UNC93B1: variants seen among roughly 807,000 people sequenced by gnomAD.
UNC93B1 encodes the protein protein unc-93 homolog B1.
In UNC93B1, 33 loss-of-function variants were observed where a neutral mutation model predicts 56.8. The ratio of observed to expected loss-of-function variants is 0.58; its 90% CI spans 0.44 to 0.78. The LOEUF is 0.78. Among genes scored for constraint, UNC93B1 ranks in the 30% least tolerant of loss-of-function variants. The pLI is 0.00. For synonymous variants in UNC93B1, 334 were observed against 358.6 expected (o/e 0.93, Z 0.77); for missense variants, 673 against 819.5 (o/e 0.82, Z 2.18).
rs1304710480 is a variant in UNC93B1 at position 67,991,569 on chromosome 11, C to T, written c.1771G>A (p.Gly591Arg). ...CCTCACTGCTCCTCCGGCCCGTCTC[C>T]CCCCTGCGCCTGTTCGTACGGGCAG... ...RPCPYEQAQG[G>R]DGPEEQ Residue 591 changes from glycine to arginine, a missense_variant, in exon 11 of 11, where the codon GGA becomes AGA. Around this residue, in one of 3 missense-constraint regions of UNC93B1, gnomAD observed 80 missense variants for 85.3 expected, o/e 0.94. Coordinates refer to ENST00000227471, the MANE Select transcript of UNC93B1 (RefSeq NM_030930.4). The T allele has an allele frequency of 2.0e-6, 3 of 1,480,730 alleles. No individual in the cohort carries two copies. The highest frequency in any genetic ancestry group is 2.7e-6 in the Non-Finnish European group (3 of 1,122,054). 91.7% of individuals were successfully genotyped at this position (1,480,730 alleles called of 1,614,324 possible).
intron 3 of UNC93B1, 79 bp downstream of exon 3, chr11:68,002,943 G>A: frequency 6.8e-7 from 1 of 1,476,496 alleles, no homozygotes; most frequent in Non-Finnish European, 9.0e-7. Flanking sequence ...CCGGCAGATG[G>A]ACACCTCCTG....
intron 9 of UNC93B1, 117 bp from the exon 10 acceptor site, chr11:67,993,911 G>C (rs376788421): frequency 2.6e-6 from 2 of 767,824 alleles, no homozygotes; most frequent in Non-Finnish European, 2.2e-6. Flanking sequence ...CCGGACCAGA[G>C]AGCGCCTAGA....
chr11:67,994,528 C>A (rs1856902808), intron 9 of UNC93B1, among the ~76,000 whole-genome samples: 1 of 152,230 alleles, frequency 6.6e-6, no homozygotes, highest in Admixed American at 6.5e-5. Flanking sequence ...GGTGACTTTA[C>A]CCCCACAGTG....
intron 7 of UNC93B1, 42 bp downstream of exon 7, chr11:67,997,633 A>G (rs1565125178): frequency 6.3e-7 from 1 of 1,596,524 alleles, no homozygotes; most frequent in South Asian, 1.1e-5. Context: ...CCAGAACCAC[A>G]CTCTGCTTCA....
At chr11:67,997,045 C>T (rs1257921319) in intron 7 of UNC93B1, among the ~76,000 whole-genome samples, 12 of 151,930 alleles carry the variant, frequency 7.9e-5, no homozygotes, top group Non-Finnish European at 2.9e-5. Context: ...GGCCCCATCC[C>T]CTCTCTCTCA....
rs777240820 is a variant in UNC93B1 at position 67,997,774 on chromosome 11, G to T, written c.807C>A (p.Ser269Arg). Residue 269 changes from serine to arginine, a missense_variant, in exon 7 of 11, where the codon AGC becomes AGA. Physicochemically the swap from Ser to Arg is moderately radical, Grantham distance 110. This residue lies in a region of UNC93B1 where 438 missense variants were observed against 465.9 expected (regional missense o/e 0.94). Coordinates refer to ENST00000227471, the MANE Select transcript of UNC93B1 (RefSeq NM_030930.4). ...SCGTNSHGIL[S>R]GFNKTVLRTL... is the part of the protein sequence containing the mutation. Reference sequence around the variant, plus strand: ...TCCGCAGAACCGTCTTGTTGAAGCCGCTGAGGATCCCGTGGCTGTTGGTGC... The same window carrying T: ...TCCGCAGAACCGTCTTGTTGAAGCCTCTGAGGATCCCGTGGCTGTTGGTGC... The T allele has an allele frequency of 1.5e-5, 24 of 1,609,328 alleles. No homozygotes were observed. Among genetic ancestry groups the T allele is most frequent in the Non-Finnish European group, 1.9e-5 (23 of 1,179,646 alleles).
chr11:67,993,837 C>T, intron 9 of UNC93B1, 43 bp from the exon 10 acceptor site: 2 of 1,134,752 alleles, frequency 1.8e-6, no homozygotes, highest in Non-Finnish European at 2.6e-6. Context: ...GAGGTGTCAC[C>T]TGGGGCCTGG....
At chr11:68,002,923 C>A in intron 3 of UNC93B1, 99 bp downstream of exon 3, 2 of 1,443,782 alleles carry the variant, frequency 1.4e-6, no homozygotes, top group Non-Finnish European at 1.8e-6. Context: ...TCCCTCGCCC[C>A]ACAAACACCC....
Position 67,991,816 on chromosome 11 carries a change from C to G in UNC93B1, c.1524G>C (p.Ala508=), listed in dbSNP as rs781399490. The G allele has an allele frequency of 2.0e-6, 3 of 1,471,972 alleles. No individual in the cohort carries two copies. Among genetic ancestry groups the G allele is most frequent in the Non-Finnish European group, 1.8e-6 (2 of 1,087,644 alleles). 91.2% of individuals were successfully genotyped at this position (1,471,972 alleles called of 1,614,324 possible). Residue 508 remains alanine (A), a synonymous_variant, in exon 11 of 11, where the codon GCG becomes GCC. Coordinates refer to ENST00000227471, the MANE Select transcript of UNC93B1 (RefSeq NM_030930.4). ...AVLLVTLVAA[A]VSYLRMEQKL... is the part of the protein sequence containing the mutation. ...TCTGCTCCATCCGCAGGTAGGAGACCGCGGCCGCCACCAGCGTCACCAGCA... is the reference window on the plus strand; with the variant it reads ...TCTGCTCCATCCGCAGGTAGGAGACGGCGGCCGCCACCAGCGTCACCAGCA...
chr11:67,995,520 C>T, intron 9 of UNC93B1, 91 bp downstream of exon 9: 1 of 1,117,228 alleles, frequency 9.0e-7, no homozygotes, highest in Non-Finnish European at 1.2e-6. Flanking sequence ...ATATCTGTCC[C>T]TGGGATGTCT....
In UNC93B1 at chr11:67,996,661, C is replaced by A. The variant is rs185043894; in HGVS notation, c.1030G>T (p.Val344Leu). Reference sequence around the variant, plus strand: ...AAGCCGCTGTAGATAAAGAAAGGCACGAGGTGGCGCAGGCGGTAGTCACGC... The same window carrying A: ...AAGCCGCTGTAGATAAAGAAAGGCAAGAGGTGGCGCAGGCGGTAGTCACGC... ...HVRDYRLRHL[V>L]PFFIYSGFEV... Residue 344 changes from valine to leucine, a missense_variant, in exon 8 of 11, where the codon GTG becomes TTG. By Grantham distance (32) the Val-to-Leu change is conservative. Around this residue, in one of 3 missense-constraint regions of UNC93B1, gnomAD observed 155 missense variants for 268.3 expected, o/e 0.58. Coordinates refer to ENST00000227471, the MANE Select transcript of UNC93B1 (RefSeq NM_030930.4). 1.8e-5 allele frequency: 28 copies of A among 1,551,562 alleles called. No individual in the cohort carries two copies. In the African/African-American group the frequency reaches 2.5e-4, roughly 14 times the overall value.
In UNC93B1 at chr11:68,003,973, C is replaced by T. The variant is rs1857093094; in HGVS notation, c.71G>A (p.Gly24Glu). Residue 24 changes from glycine to glutamate, a missense_variant, in exon 1 of 11, where the codon GGG (glycine) becomes GAG (glutamate). This residue lies in a region of UNC93B1 where 438 missense variants were observed against 465.9 expected (regional missense o/e 0.94). Coordinates refer to ENST00000227471, the MANE Select transcript of UNC93B1 (RefSeq NM_030930.4). This position sits in a 1 kb window ranked among gnomAD's most constrained non-coding sequence, Gnocchi z 4.4. ...CGGGGCCTCGGGCCCGTCCGGGACC[C>T]CGAGCAGGTCCTCGTCGCCCTGCGG... ...AGPQGDEDLL[G>E]VPDGPEAPLD... The T allele has an allele frequency of 2.1e-6, 3 of 1,398,538 alleles. No homozygotes were observed. The highest frequency in any genetic ancestry group is 2.8e-6 in the Non-Finnish European group (3 of 1,072,904). The allele number at this position is 1,398,538 out of a possible 1,614,324, so 86.6% of individuals were successfully genotyped here.
chr11:67,996,903 C>A, intron 7 of UNC93B1, 119 bp from the exon 8 acceptor site: 1 of 1,247,660 alleles, frequency 8.0e-7, no homozygotes, highest in Non-Finnish European at 1.1e-6. Context: ...CCCCGCCTCC[C>A]AAACCAGGGC....
In UNC93B1 at chr11:68,003,527, G is replaced by GAC; in HGVS notation, c.238+129_238+130insGT. On this transcript the variant is annotated intron_variant, in intron 2 of 10. Coordinates refer to ENST00000227471, the MANE Select transcript of UNC93B1 (RefSeq NM_030930.4). The surrounding 1 kb of genome is among the most constrained non-coding windows in gnomAD (Gnocchi z 4.4). The stretch of plus-strand genomic sequence containing the variant: ...CCCAACCCCACCCCCGCCGCGGGGG[G>GAC]CCGTGGCTGCAGCTGCGAGGGCAGC... The GAC allele has an allele frequency of 7.7e-7, 1 of 1,301,214 alleles. No homozygotes were observed. Among genetic ancestry groups the GAC allele is most frequent in the Non-Finnish European group, 1.0e-6 (1 of 1,000,514 alleles). The allele number at this position is 1,301,214 out of a possible 1,614,324, so 80.6% of individuals were successfully genotyped here. A position where few individuals can be genotyped will look rare whatever the true frequency, so the allele number is the denominator to read the frequency against.
chr11:67,996,799 C>A lies in UNC93B1; in HGVS notation c.907-15G>T. The A allele has an allele frequency of 6.6e-7, 1 of 1,525,394 alleles. No individual in the cohort carries two copies. The highest frequency in any genetic ancestry group is 8.9e-7 in the Non-Finnish European group (1 of 1,129,622). The allele number at this position is 1,525,394 out of a possible 1,614,324, so 94.5% of individuals were successfully genotyped here. A position where few individuals can be genotyped will look rare whatever the true frequency, so the allele number is the denominator to read the frequency against. ...AAACCCAGCACCTGCGAACCCATTA[C>A]TTGAAGGGGCGGCCAGCCAGGCCCA... On this transcript the variant is annotated splice_polypyrimidine_tract_variant and intron_variant, in intron 7 of 10. Transcript: ENST00000227471.
intron 3 of UNC93B1, among the ~76,000 whole-genome samples, chr11:68,001,393 T>C (rs1857042795): frequency 6.6e-6 from 1 of 152,064 alleles, no homozygotes; most frequent in Admixed American, 6.5e-5. Context: ...GTGCTGGATG[T>C]GGTGGCTCAC....
Position 67,995,724 on chromosome 11 carries a change from A to G in UNC93B1, c.1250T>C (p.Phe417Ser), listed in dbSNP as rs1160781200. 5.8e-6 allele frequency: 9 copies of G among 1,548,618 alleles called. No homozygotes were observed. Among genetic ancestry groups the G allele is most frequent in the Non-Finnish European group, 7.0e-6 (8 of 1,146,936 alleles). ...AGAGVHLLLT[F>S]ILFFWAPVPR... is the part of the protein sequence containing the mutation. ...CACAGGGGCCCAGAAAAAGAGGATG[A>G]AGGTGAGCAGCAGGTGCACCCCTGC... Residue 417 changes from phenylalanine to serine, a missense_variant, in exon 9 of 11, where the codon TTC (phenylalanine) becomes TCC (serine). This residue lies in a region of UNC93B1 where 155 missense variants were observed against 268.3 expected (regional missense o/e 0.58). Coordinates refer to ENST00000227471, the MANE Select transcript of UNC93B1 (RefSeq NM_030930.4).
At position 67,991,492 on chromosome 11, in the gene UNC93B1, T is replaced by C. The variant is rs1203064824; in HGVS notation, c.*54A>G. 2.6e-5 allele frequency: 35 copies of C among 1,366,126 alleles called. No individual in the cohort carries two copies. Among genetic ancestry groups the C allele is most frequent in the Non-Finnish European group, 3.3e-5 (35 of 1,064,280 alleles). The allele number at this position is 1,366,126 out of a possible 1,614,324, so 84.6% of individuals were successfully genotyped here. A position where few individuals can be genotyped will look rare whatever the true frequency, so the allele number is the denominator to read the frequency against. ...GAGGGGGTCCCCCCGACCTCAGACG[T>C]GGTAAACTGAGGCCGGCGAGGAGGG... is the stretch of plus-strand genomic sequence containing the variant. On this transcript the variant is annotated 3_prime_UTR_variant, in exon 11 of 11. Transcript: ENST00000227471.
chr11:67,999,498 C>T (rs745488113), intron 4 of UNC93B1, 21 bp downstream of exon 4: 4 of 1,545,268 alleles, frequency 2.6e-6, no homozygotes, highest in Non-Finnish European at 3.5e-6. Context: ...AGCCTCCTGC[C>T]CTGCTGCCCA....
Sources: gnomAD v4.1 joint callset for allele counts (sites outside exome capture counted in the v4.1 genomes callset) on GRCh38, gnomAD v4.1.1 for gene constraint, gnomAD v4.1.1 regional missense constraint, Gnocchi (gnomAD v3.1) non-coding constraint, MANE v1.5 for transcripts, NCBI Gene and HGNC (gene_info 2026-07-23, HGNC 2026-07-21) for gene names.